SYNE2: variants seen among roughly 807,000 people sequenced by gnomAD.
SYNE2 encodes spectrin repeat containing nuclear envelope protein 2.
In SYNE2, 431 loss-of-function variants were observed where a neutral mutation model predicts 856.3. That is an observed-to-expected ratio of 0.50 (90% CI 0.47 to 0.55). The LOEUF (loss-of-function observed/expected upper bound fraction) is 0.55, where lower values mean the gene tolerates loss of function less well. Ranked by LOEUF, SYNE2 falls within the 20% of genes least tolerant of loss-of-function variation. SYNE2 has a pLI of 0.00. For synonymous variants in SYNE2, 2,923 were observed against 2,872.3 expected (o/e 1.02, Z -0.56); for missense variants, 8,129 against 8,023.2 (o/e 1.01, Z -0.50).
intron 82 of SYNE2, 35 bp from the exon 83 acceptor site, chr14:64,143,737 A>C: frequency 6.2e-7 from 1 of 1,612,000 alleles, no homozygotes; most frequent in Non-Finnish European, 8.5e-7. Flanking sequence ...ACCAACATTC[A>C]TGACTGCTTT....
At chr14:64,208,037 T>A (rs1366890806) in intron 100 of SYNE2, 2 of 456,058 alleles carry the variant, frequency 4.4e-6, no homozygotes, top group South Asian at 3.1e-5. Context: ...GTTTTCCAGT[T>A]TTTTCCTATG....
intron 87 of SYNE2, 73 bp from the exon 88 acceptor site, chr14:64,161,999 A>G (rs569502360): frequency 6.5e-7 from 1 of 1,538,242 alleles, no homozygotes; most frequent in Non-Finnish European, 9.0e-7. Flanking sequence ...TTACCAGTAG[A>G]GTGTGTGCAT....
intron 43 of SYNE2, among the ~76,000 whole-genome samples, chr14:64,028,938 T>C (rs2097006045): frequency 6.6e-6 from 1 of 151,928 alleles, no homozygotes; most frequent in Non-Finnish European, 1.5e-5. Context: ...AAGATTGAGA[T>C]CATCCTGGCC....
intron 1 of SYNE2, among the ~76,000 whole-genome samples, chr14:63,803,453 C>T (rs972431266): frequency 1.3e-5 from 2 of 152,174 alleles, no homozygotes; most frequent in South Asian, 2.1e-4. Flanking sequence ...AGCGCAGTGC[C>T]GGTGGGCTGG....
At chr14:63,791,877 G>A (rs367647780) in intron 1 of SYNE2, among the ~76,000 whole-genome samples, 3,692 of 94,162 alleles carry the variant, frequency 0.039, 157 homozygotes, top group African/African-American at 0.1. Flanking sequence ...CCCAGGAGGC[G>A]GAGCTTGTAG....
At chr14:63,995,837 T>A (rs2096710390) in intron 23 of SYNE2, among the ~76,000 whole-genome samples, 1 of 152,174 alleles carries the variant, frequency 6.6e-6, no homozygotes, top group South Asian at 2.1e-4. Flanking sequence ...GTGAGTACTT[T>A]TTAGTGTCTT....
intron 46 of SYNE2, 106 bp from the exon 47 acceptor site, chr14:64,049,505 C>A: frequency 8.9e-7 from 1 of 1,121,874 alleles, no homozygotes; most frequent in Non-Finnish European, 1.3e-6. Context: ...AATGAGTTAC[C>A]CTCTTCCTGA....
At chr14:63,803,789 C>T (rs931964876) in intron 1 of SYNE2, among the ~76,000 whole-genome samples, 1 of 152,200 alleles carries the variant, frequency 6.6e-6, no homozygotes, top group African/African-American at 2.4e-5. Flanking sequence ...CGAGAGCGAG[C>T]GAGGACTGTG....
chr14:64,117,913 G>A (rs1055676941), intron 66 of SYNE2, among the ~76,000 whole-genome samples: 14 of 152,118 alleles, frequency 9.2e-5, no homozygotes, highest in African/African-American at 2.9e-4. Flanking sequence ...ATTTTATCAC[G>A]CTACTCAGGT....
chr14:64,154,792 CAAAAA>C (rs34020154), intron 85 of SYNE2, among the ~76,000 whole-genome samples: 27 of 91,092 alleles, frequency 3.0e-4, no homozygotes, highest in African/African-American at 7.7e-4. Context: ...GACCCTGTCT[CAAAAA>C]AAAAAAAAAA....
At chr14:63,959,310 T>A (rs1401581023) in intron 8 of SYNE2, among the ~76,000 whole-genome samples, 1 of 144,242 alleles carries the variant, frequency 6.9e-6, no homozygotes, top group African/African-American at 2.6e-5. Context: ...TTTTTTTTTT[T>A]TTTGAGATGG....
At position 64,218,424 on chromosome 14, in the gene SYNE2, G is replaced by A. The variant is rs376821513; in HGVS notation, c.19569G>A (p.Thr6523=). The change falls in exon 109 of 116, where the codon ACG becomes ACA. Residue 6523 remains threonine, a synonymous_variant. Coordinates refer to ENST00000555002, the MANE Select transcript of SYNE2 (RefSeq NM_182914.3). ...GAAAGCTACTATTACCTCCAGGCAC[G>A]GATGGTGGCAAAGAAGGCCCGCGAG... ...PYGKLLLPPG[T]DGGKEGPRVL... is the part of the protein sequence containing the mutation. 1.7e-5 allele frequency: 27 copies of A among 1,613,944 alleles called. No homozygotes were observed. The highest frequency in any genetic ancestry group is 8.8e-5 in the South Asian group (8 of 91,078).
chr14:64,158,816 C>T, intron 86 of SYNE2, 21 bp downstream of exon 86: 2 of 1,612,984 alleles, frequency 1.2e-6, no homozygotes, highest in South Asian at 2.2e-5. Flanking sequence ...CAGAGCTTGG[C>T]ATGGTGCATT....
chr14:64,087,379 T>C (rs537987346), intron 57 of SYNE2: 1 of 567,970 alleles, frequency 1.8e-6, no homozygotes, highest in South Asian at 1.4e-5. Flanking sequence ...GGGCTTATTA[T>C]GTATAATAAA....
chr14:64,085,784 T>C (rs1179054372), intron 57 of SYNE2, among the ~76,000 whole-genome samples: 1 of 152,252 alleles, frequency 6.6e-6, no homozygotes, highest in Non-Finnish European at 1.5e-5. Flanking sequence ...CATTTATTTA[T>C]GTCTTTATTG....
Position 64,052,317 on chromosome 14 carries a change from A to G in SYNE2, c.8404A>G (p.Ser2802Gly), listed in dbSNP as rs1890908. ...KVPSLTTYEG[S>G]DLNNTLEDLR... ...TCCTAGCCTTACAACCTATGAGGGCAGTGATTTAAATAATACCCTAGAGGA... is the reference window on the plus strand; with the variant it reads ...TCCTAGCCTTACAACCTATGAGGGCGGTGATTTAAATAATACCCTAGAGGA... The change falls in exon 48 of 116, where the codon AGT becomes GGT. Residue 2802 changes from serine to glycine, a missense_variant. Physicochemically the swap from Ser to Gly is moderately conservative, Grantham distance 56. This residue lies in a region of SYNE2 where 5,410 missense variants were observed against 5,284.8 expected (regional missense o/e 1.02). Coordinates refer to ENST00000555002, the MANE Select transcript of SYNE2 (RefSeq NM_182914.3). 1,495,533 of 1,614,086 alleles carry G rather than the reference A, an allele frequency of 0.93. 694,149 individuals are homozygous for G. The highest frequency in any genetic ancestry group is 0.94 in the Non-Finnish European group (1,112,295 of 1,180,012).
intron 61 of SYNE2, among the ~76,000 whole-genome samples, chr14:64,097,137 C>T (rs543382825): frequency 6.6e-6 from 1 of 152,286 alleles, no homozygotes; most frequent in South Asian, 2.1e-4. Context: ...ATCTGCATAT[C>T]TGCCATGAAT....
At chr14:63,769,421 A>G (rs1056771983) in intron 1 of SYNE2, among the ~76,000 whole-genome samples, 1 of 152,130 alleles carries the variant, frequency 6.6e-6, no homozygotes, top group African/African-American at 2.4e-5. Context: ...GTAATCCCGC[A>G]CTTTGGGAGG....
At chr14:63,992,480 CTG>C (rs1485568563) in intron 21 of SYNE2, among the ~76,000 whole-genome samples, 2 of 152,098 alleles carry the variant, frequency 1.3e-5, no homozygotes, top group African/African-American at 4.8e-5. Context: ...GGGTCTCACT[CTG>C]TTGGTCAAGG....
Sources: allele counts gnomAD v4.1 joint callset (sites outside exome capture counted in the v4.1 genomes callset), GRCh38; gene constraint gnomAD v4.1.1; regional missense constraint gnomAD v4.1.1; transcripts MANE v1.5; gene names NCBI Gene and HGNC (gene_info 2026-07-23, HGNC 2026-07-21).